The following PLEKHH3 variants were observed in gnomAD, a reference collection of about 807,000 sequenced individuals.
The protein encoded by PLEKHH3 is pleckstrin homology domain-containing family H member 3.
PLEKHH3 carries 57 observed loss-of-function variants against 77.8 expected under a neutral mutation model. The ratio of observed to expected loss-of-function variants is 0.73; its 90% CI spans 0.59 to 0.91. The LOEUF (loss-of-function observed/expected upper bound fraction) is 0.91, where lower values mean the gene tolerates loss of function less well. PLEKHH3 is among the 40% of genes least tolerant of loss of function. PLEKHH3 has a pLI of 0.00. For missense variants in PLEKHH3, 1,082 were observed against 1,091.2 expected (o/e 0.99, Z 0.12); for synonymous variants, 467 against 504.8 (o/e 0.93, Z 1.00).
In PLEKHH3 at chr17:42,667,958, A is replaced by G; in HGVS notation, c.*169T>C. On this transcript the variant is annotated 3_prime_UTR_variant, in exon 13 of 13. Coordinates refer to ENST00000591022, the MANE Select transcript of PLEKHH3 (RefSeq NM_024927.5). ...TTTTTTTTTTTTTTGCTTCTCTTCT[A>G]CAAATAAATTAAGAAACAAACTAGA... 2 of 494,008 alleles carry G rather than the reference A, an allele frequency of 4.0e-6. No homozygotes were observed. Among genetic ancestry groups the G allele is most frequent in the Non-Finnish European group, 6.3e-6 (2 of 317,176 alleles). 30.6% of individuals were successfully genotyped at this position (494,008 alleles called of 1,614,324 possible). A position where few individuals can be genotyped will look rare whatever the true frequency, so the allele number is the denominator to read the frequency against.
rs1401068724 is a variant in PLEKHH3 at position 42,670,254 on chromosome 17, C to CAGG, written c.1674_1676dup (p.Leu559dup). ...GGGCCGGGGGCGGGAGCAGGCGGTC[C>CAGG]AGGCGGGGCAGGGGCACCCGCGGAG... On this transcript the variant is annotated inframe_insertion, in exon 11 of 13. Transcript: ENST00000591022. 4.8e-6 allele frequency: 6 copies of CAGG among 1,242,570 alleles called. No homozygotes were observed. The African/African-American group carries it at 9.4e-5, about 19-fold the overall frequency. The allele number at this position is 1,242,570 out of a possible 1,614,324, so 77.0% of individuals were successfully genotyped here. A position where few individuals can be genotyped will look rare whatever the true frequency, so the allele number is the denominator to read the frequency against.
chr17:42,669,461 C>T lies in PLEKHH3; in HGVS notation c.2174G>A (p.Gly725Glu). The T allele has an allele frequency of 6.3e-7, 1 of 1,575,232 alleles. No homozygotes were observed. The highest frequency in any genetic ancestry group is 8.7e-7 in the Non-Finnish European group (1 of 1,155,368). ...MGPHTLALRV[G>E]ESQLLLQSPQ... ...GCTCTGCAGGAGGAGCTGGCTCTCT[C>T]CCACCCTCAAGGCCAGGGTGTGGGG... The change falls in exon 12 of 13, where the codon GGA becomes GAA. Residue 725 changes from glycine to glutamate, a missense_variant. Around this residue, in one of 3 missense-constraint regions of PLEKHH3, gnomAD observed 733 missense variants for 750.0 expected, o/e 0.98. Coordinates refer to ENST00000591022, the MANE Select transcript of PLEKHH3 (RefSeq NM_024927.5).
chr17:42,672,388 C>T lies in PLEKHH3; in HGVS notation c.774G>A (p.Pro258=), dbSNP rs969863146. 5.3e-6 allele frequency: 8 copies of T among 1,513,404 alleles called. No individual in the cohort carries two copies. The highest frequency in any genetic ancestry group is 5.3e-6 in the Non-Finnish European group (6 of 1,131,774). The allele number at this position is 1,513,404 out of a possible 1,614,324, so 93.7% of individuals were successfully genotyped here. ...CCTCCTCGCGCAGGGGTGCATAGCC[C>T]GGACCTGTGGGAGGGTGGGGGCGGA... ...PLPYGVSAPG[P]GYAPLREEAV... The change falls in exon 7 of 13, where the codon CCG becomes CCA. Residue 258 remains proline, a synonymous_variant. Coordinates refer to ENST00000591022, the MANE Select transcript of PLEKHH3 (RefSeq NM_024927.5).
Position 42,673,287 on chromosome 17 carries a change from C to T in PLEKHH3, c.658G>A (p.Gly220Arg), listed in dbSNP as rs139853357. The T allele has an allele frequency of 1.0e-4, 164 of 1,599,262 alleles. No individual in the cohort carries two copies. Among genetic ancestry groups the T allele is most frequent in the Non-Finnish European group, 8.3e-5 (98 of 1,175,790 alleles). The part of the protein sequence containing the change: ...LLLRDIQESC[G>R]DPEAVALIYL... ...ATGAGGGCAACGGCCTCTGGGTCCC[C>T]GCAACTTTCCTAGGGGGCCAGGGAG... Residue 220 changes from glycine to arginine, a missense_variant, in exon 6 of 13, where the codon GGG (glycine) becomes AGG (arginine). Physicochemically the swap from Gly to Arg is moderately radical, Grantham distance 125 (BLOSUM62 -2). Transcript: ENST00000591022.
chr17:42,670,945 T>TGAGA, intron 9 of PLEKHH3, 49 bp downstream of exon 9: 3 of 1,588,248 alleles, frequency 1.9e-6, no homozygotes, highest in Non-Finnish European at 2.6e-6. Flanking sequence ...TGACCTCAGC[T>TGAGA]GAGAAGTGGA....
At position 42,673,963 on chromosome 17, in the gene PLEKHH3, G is replaced by A. The variant is rs1349002269; in HGVS notation, c.269C>T (p.Pro90Leu). 1.4e-5 allele frequency: 22 copies of A among 1,613,518 alleles called. No homozygotes were observed. The highest frequency in any genetic ancestry group is 2.7e-5 in the African/African-American group (2 of 74,982). The change falls in exon 3 of 13, where the codon CCG becomes CTG. Residue 90 changes from proline (P) to leucine (L), a missense_variant. By Grantham distance (98) the Pro-to-Leu change is moderately conservative. Transcript: ENST00000591022. ...CACAACGATGTCCGGGTCGTCCTCC[G>A]GCAGCCCTTTCTCCGGGATGAGGCT... Reference protein sequence around the residue: ...TWSLIPEKGLPEDDPDIVVKG... With the variant: ...TWSLIPEKGLLEDDPDIVVKG...
rs749822506 is a variant in PLEKHH3, at chr17:42,676,439, A to G, written c.125T>C (p.Phe42Ser). 4 of 1,613,402 alleles carry G rather than the reference A, an allele frequency of 2.5e-6. No homozygotes were observed. Among genetic ancestry groups the G allele is most frequent in the Non-Finnish European group, 3.4e-6 (4 of 1,179,902 alleles). Residue 42 changes from phenylalanine to serine, a missense_variant, in exon 1 of 13, where the codon TTT becomes TCT. Phe to Ser is a radical substitution (Grantham distance 155, BLOSUM62 -2). Around this residue, in one of 3 missense-constraint regions of PLEKHH3, gnomAD observed 344 missense variants for 320.8 expected, o/e 1.07. Transcript: ENST00000591022. This position sits in a 1 kb window ranked among gnomAD's most constrained non-coding sequence, Gnocchi z 6.6. ...DGDEDEDEET[F>S]ELRTPSPAGG... ...CGCTGGACTCGGGGTCCGCAGCTCA[A>G]AGGTTTCCTCGTCCTCGTCCTCGTC...
At position 42,671,534 on chromosome 17, in the gene PLEKHH3, C is replaced by T; in HGVS notation, c.1101G>A (p.Ser367=). The T allele has an allele frequency of 6.2e-7, 1 of 1,611,874 alleles. No individual in the cohort carries two copies. Residue 367 remains serine, a synonymous_variant, in exon 8 of 13, where the codon TCG becomes TCA. Coordinates refer to ENST00000591022, the MANE Select transcript of PLEKHH3 (RefSeq NM_024927.5). This position sits in a 1 kb window ranked among gnomAD's most constrained non-coding sequence, Gnocchi z 4.7. ...LERTEQALPD[S]ELAEYARFIR... ...TGAAGCGCGCATATTCCGCCAGTTC[C>T]GAGTCCGGGAGTGCCTGCTCGGTCC...
chr17:42,670,273 C>A lies in PLEKHH3; in HGVS notation c.1658G>T (p.Arg553Leu), dbSNP rs1014576341. The A allele has an allele frequency of 2.3e-6, 3 of 1,295,900 alleles. No homozygotes were observed. The highest frequency in any genetic ancestry group is 2.3e-5 in the South Asian group (1 of 43,540). The allele number at this position is 1,295,900 out of a possible 1,614,324, so 80.3% of individuals were successfully genotyped here. A position where few individuals can be genotyped will look rare whatever the true frequency, so the allele number is the denominator to read the frequency against. Residue 553 changes from arginine (R) to leucine (L), a missense_variant, in exon 11 of 13, where the codon CGG becomes CTG. By Grantham distance (102) the Arg-to-Leu change is moderately radical. Around this residue, in one of 3 missense-constraint regions of PLEKHH3, gnomAD observed 733 missense variants for 750.0 expected, o/e 0.98. Coordinates refer to ENST00000591022, the MANE Select transcript of PLEKHH3 (RefSeq NM_024927.5). ...GCGGTCCAGGCGGGGCAGGGGCACC[C>A]GCGGAGAGAAGTCCCGCTGCAGGCT... ...LQSLQRDFSP[R>L]VPLPRLDRLL...
Position 42,671,286 on chromosome 17 carries a change from G to A in PLEKHH3, c.1284+65C>T. On this transcript the variant is annotated intron_variant, in intron 8 of 12. Transcript: ENST00000591022. This position sits in a 1 kb window ranked among gnomAD's most constrained non-coding sequence, Gnocchi z 4.7. The stretch of plus-strand genomic sequence containing the variant: ...GGGCAAACCTAGGGTCCAGGAAGAG[G>A]GAGAGACAGGCGTGAGAAGCTGGCA... 25 of 1,578,054 alleles carry A rather than the reference G, an allele frequency of 1.6e-5. No homozygotes were observed. Among genetic ancestry groups the A allele is most frequent in the Non-Finnish European group, 2.2e-5 (25 of 1,157,218 alleles).
At position 42,668,437 on chromosome 17, in the gene PLEKHH3, C is replaced by T. The variant is rs1365390120; in HGVS notation, c.2206-134G>A. On this transcript the variant is annotated intron_variant, in intron 12 of 12. Transcript: ENST00000591022. ...GCTCTGGCCCTGCAACCTTTCCTTC[C>T]TTATCACCACTCTCTCCTTCATTTC... The T allele has an allele frequency of 1.1e-5, 7 of 634,040 alleles. No homozygotes were observed. The African/African-American group carries it at 1.3e-4, about 12-fold the overall frequency. 39.3% of individuals were successfully genotyped at this position (634,040 alleles called of 1,614,324 possible). A position where few individuals can be genotyped will look rare whatever the true frequency, so the allele number is the denominator to read the frequency against.
Position 42,676,614 on chromosome 17 carries a change from G to A in PLEKHH3, c.-51C>T. 6.6e-7 allele frequency: 1 copy of A among 1,522,206 alleles called. No homozygotes were observed. Among genetic ancestry groups the A allele is most frequent in the East Asian group, 2.5e-5 (1 of 40,762 alleles). The allele number at this position is 1,522,206 out of a possible 1,614,324, so 94.3% of individuals were successfully genotyped here. A position where few individuals can be genotyped will look rare whatever the true frequency, so the allele number is the denominator to read the frequency against. On this transcript the variant is annotated 5_prime_UTR_variant, in exon 1 of 13. Transcript: ENST00000591022. The surrounding 1 kb of genome is among the most constrained non-coding windows in gnomAD (Gnocchi z 6.6). ...CGCGGGCAGCCGCGGCCGAGCAGTA[G>A]GGGGTCGGAGGAACTGGCGGGGCTC...
intron 1 of PLEKHH3, chr17:42,675,755 C>T: frequency 1.8e-6 from 1 of 557,060 alleles, no homozygotes; most frequent in Non-Finnish European, 2.3e-6. Flanking sequence ...CGTTTCCCCA[C>T]GGGGAGATTC....
chr17:42,670,535 G>A (rs771996673), intron 10 of PLEKHH3, 38 bp downstream of exon 10: 1 of 1,584,476 alleles, frequency 6.3e-7, no homozygotes, highest in Non-Finnish European at 8.6e-7. Context: ...TTCAGGCTTG[G>A]GGGTCTGTTT....
chr17:42,668,650 G>T (rs1323682046), intron 12 of PLEKHH3: 1 of 159,470 alleles, frequency 6.3e-6, no homozygotes, highest in Non-Finnish European at 1.4e-5. Flanking sequence ...GTAGAAACAG[G>T]GTTTCACCGT....
rs763568859 is a variant in PLEKHH3 at position 42,670,705 on chromosome 17, G to C, written c.1422C>G (p.Asn474Lys). The C allele has an allele frequency of 6.2e-7, 1 of 1,612,078 alleles. No homozygotes were observed. The highest frequency in any genetic ancestry group is 8.5e-7 in the Non-Finnish European group (1 of 1,179,132). The part of the protein sequence containing the change: ...LVADVLTRFE[N>K]LAAEEAGLED... ...CCAACCCAGCTTCCTCCGCGGCCAA[G>C]CTGCAGAAGAGGAGCGGACGAAGCG... The change falls in exon 10 of 13, where the codon AAC (asparagine) becomes AAG (lysine). Residue 474 changes from asparagine (N) to lysine (K), a missense_variant and splice_region_variant. Coordinates refer to ENST00000591022, the MANE Select transcript of PLEKHH3 (RefSeq NM_024927.5).
chr17:42,674,078 T>C, intron 2 of PLEKHH3, 65 bp from the exon 3 acceptor site: 1 of 1,505,338 alleles, frequency 6.6e-7, no homozygotes, highest in Non-Finnish European at 9.1e-7. Context: ...CTGTAGGGGC[T>C]CCCCAGACCG....
At position 42,668,320 on chromosome 17, in the gene PLEKHH3, G is replaced by A. The variant is rs115461229; in HGVS notation, c.2206-17C>T. ...CTCTTCCACCTAAGAGAGGGCAGAG[G>A]TCAGTGTGCAACAGGGGCTGCCAGG... On this transcript the variant is annotated splice_polypyrimidine_tract_variant and intron_variant, in intron 12 of 12. Transcript: ENST00000591022. The A allele has an allele frequency of 2.5e-3, 3,787 of 1,513,852 alleles. 95 individuals are homozygous for A. In the African/African-American group the frequency reaches 0.049, roughly 19 times the overall value. The allele number at this position is 1,513,852 out of a possible 1,614,324, so 93.8% of individuals were successfully genotyped here. A position where few individuals can be genotyped will look rare whatever the true frequency, so the allele number is the denominator to read the frequency against.
In PLEKHH3 at chr17:42,670,139, T is replaced by TCAA. The variant is rs937465283; in HGVS notation, c.1791_1792insTTG (p.Ala597_Lys598insLeu). 115 of 1,220,848 alleles carry TCAA rather than the reference T, an allele frequency of 9.4e-5. No homozygotes were observed. The highest frequency in any genetic ancestry group is 1.1e-4 in the Non-Finnish European group (110 of 984,800). 75.6% of individuals were successfully genotyped at this position (1,220,848 alleles called of 1,614,324 possible). ...CGCCGGGCCCGCTCCGCCCGCCTCT[T>TCAA]GGCCAGGCCCGGGCTCCAGAGCGCC... On this transcript the variant is annotated inframe_insertion, in exon 11 of 13. Coordinates refer to ENST00000591022, the MANE Select transcript of PLEKHH3 (RefSeq NM_024927.5).
Sources: gnomAD v4.1 joint callset for allele counts on GRCh38, gnomAD v4.1.1 for gene constraint, gnomAD v4.1.1 regional missense constraint, Gnocchi (gnomAD v3.1) non-coding constraint, MANE v1.5 for transcripts, NCBI Gene and HGNC (gene_info 2026-07-23, HGNC 2026-07-21) for gene names.